FHIT: variants seen among roughly 807,000 people sequenced by gnomAD.
FHIT encodes the protein fragile histidine triad diadenosine triphosphatase.
A neutral mutation model predicts 17.9 loss-of-function variants in FHIT; 19 were observed. The ratio of observed to expected loss-of-function variants is 1.06; its 90% CI spans 0.74 to 1.56. The LOEUF (loss-of-function observed/expected upper bound fraction) is 1.56, where lower values mean the gene tolerates loss of function less well. FHIT is among the 40% of genes most tolerant of loss of function. The probability of loss-of-function intolerance (pLI) is 0.00; values close to 1 mark genes in which losing one functional copy is unlikely to be tolerated. For missense variants in FHIT, 248 were observed against 189.2 expected, an observed-to-expected ratio of 1.31 and a Z score of -1.82; for synonymous variants, 81 against 69.7, an observed-to-expected ratio of 1.16 and a Z score of -0.81.
At chr3:60,542,741 ATCAT>A (rs2036225604) in intron 4 of FHIT, among the ~76,000 whole-genome samples, 1 of 152,192 alleles carries the variant, frequency 6.6e-6, no homozygotes, top group Non-Finnish European at 1.5e-5. Flanking sequence ...TTGAACAGAA[ATCAT>A]TCATTTTGAT....
intron 5 of FHIT, among the ~76,000 whole-genome samples, chr3:60,082,211 G>A (rs1010759590): frequency 8.6e-5 from 13 of 150,790 alleles, no homozygotes; most frequent in African/African-American, 2.7e-4. Context: ...ACTTATAAGA[G>A]AGAACATGTA....
intron 5 of FHIT, among the ~76,000 whole-genome samples, chr3:60,476,523 T>C (rs1185560628): frequency 6.6e-6 from 1 of 152,136 alleles, no homozygotes; most frequent in African/African-American, 2.4e-5. Flanking sequence ...AATTTTCTTT[T>C]ATAGGGAGGG....
At chr3:60,555,902 G>A (rs1328436253) in intron 4 of FHIT, among the ~76,000 whole-genome samples, 1 of 152,138 alleles carries the variant, frequency 6.6e-6, no homozygotes, top group African/African-American at 2.4e-5. Context: ...TTTGCAGGGT[G>A]GCTATTATCC....
intron 5 of FHIT, among the ~76,000 whole-genome samples, chr3:60,124,758 C>G (rs948851156): frequency 6.6e-6 from 1 of 152,130 alleles, no homozygotes; most frequent in African/African-American, 2.4e-5. Context: ...TTATTGACAA[C>G]AAAAATACCC....
intron 2 of FHIT, among the ~76,000 whole-genome samples, chr3:61,188,110 AAAAAACCC>A (rs2038581289): frequency 2.0e-5 from 3 of 152,288 alleles, no homozygotes; most frequent in Non-Finnish European, 4.4e-5. Flanking sequence ...ATAGAGACAC[AAAAAACCC>A]TTCGAAAAAT....
chr3:61,214,341 T>C lies in FHIT; in HGVS notation c.-212-13676A>G, dbSNP rs369243399. On this transcript the variant is annotated intron_variant, in intron 1 of 9. Coordinates refer to ENST00000492590, the MANE Select transcript of FHIT (RefSeq NM_002012.4). ...AAAGGGGATATCACCACCAATCCCA[T>C]AGAAATACAAACTACCATCAGAGAA... is the stretch of plus-strand genomic sequence containing the variant. Among the ~76,000 whole-genome samples, 288 of 152,166 alleles carry C rather than the reference T, an allele frequency of 1.9e-3. 1 individual carries two copies. Among genetic ancestry groups the C allele is most frequent in the Admixed American group, 0.017 (255 of 15,260 alleles).
intron 5 of FHIT, among the ~76,000 whole-genome samples, chr3:60,072,774 A>G (rs1278427772): frequency 1.3e-5 from 2 of 152,228 alleles, no homozygotes; most frequent in South Asian, 2.1e-4. Flanking sequence ...TATTGACAGT[A>G]TCTATGAAGC....
At chr3:61,048,778 T>C (rs1575913607) in intron 2 of FHIT, among the ~76,000 whole-genome samples, 1 of 152,104 alleles carries the variant, frequency 6.6e-6, no homozygotes, top group Non-Finnish European at 1.5e-5. Context: ...ATATACACCA[T>C]GGAATACTAT....
At chr3:60,382,918 C>G (rs544790206) in intron 5 of FHIT, among the ~76,000 whole-genome samples, 1 of 152,198 alleles carries the variant, frequency 6.6e-6, no homozygotes, top group African/African-American at 2.4e-5. Context: ...TGCTTCAACA[C>G]CTTTACCTTC....
At chr3:60,924,578 C>G (rs554782459) in intron 3 of FHIT, among the ~76,000 whole-genome samples, 1 of 152,160 alleles carries the variant, frequency 6.6e-6, no homozygotes, top group South Asian at 2.1e-4. Flanking sequence ...CATCAAAGAC[C>G]AAAGGTAGAT....
intron 5 of FHIT, among the ~76,000 whole-genome samples, chr3:60,481,825 A>G (rs1469453071): frequency 3.3e-5 from 5 of 152,210 alleles, no homozygotes; most frequent in Admixed American, 2.0e-4. Flanking sequence ...ACACATAACA[A>G]TACGAACCTT....
intron 2 of FHIT, among the ~76,000 whole-genome samples, chr3:61,092,863 C>T (rs1442810039): frequency 6.6e-6 from 1 of 152,084 alleles, no homozygotes; most frequent in Non-Finnish European, 1.5e-5. Context: ...TAAATAATAA[C>T]GAAATACATG....
chr3:60,240,439 G>A (rs1705066505), intron 5 of FHIT, among the ~76,000 whole-genome samples: 1 of 152,128 alleles, frequency 6.6e-6, no homozygotes, highest in South Asian at 2.1e-4. Flanking sequence ...TACCGAGGAT[G>A]CAAAGCAGCT....
At chr3:60,703,813 C>T (rs2041303905) in intron 4 of FHIT, among the ~76,000 whole-genome samples, 1 of 152,030 alleles carries the variant, frequency 6.6e-6, no homozygotes, top group African/African-American at 2.4e-5. Flanking sequence ...GTAAAACTAT[C>T]TGGGCCTGGT....
At chr3:60,910,349 G>C (rs996865977) in intron 3 of FHIT, among the ~76,000 whole-genome samples, 1 of 152,002 alleles carries the variant, frequency 6.6e-6, no homozygotes, top group Admixed American at 6.6e-5. Context: ...TGTGAGGGGG[G>C]TGAGAGCAGA....
intron 7 of FHIT, among the ~76,000 whole-genome samples, chr3:59,995,335 T>C (rs909065693): frequency 3.9e-5 from 6 of 152,104 alleles, no homozygotes; most frequent in African/African-American, 1.2e-4. Context: ...ACTTAACCCT[T>C]GAATCCCAAC....
At position 60,817,809 on chromosome 3, in the gene FHIT, T is replaced by C. The variant is rs1448346605; in HGVS notation, c.-18+4110A>G. Among the ~76,000 whole-genome samples, 3 of 152,138 alleles carry C rather than the reference T, an allele frequency of 2.0e-5. No individual in the cohort carries two copies. The East Asian group carries it at 5.8e-4, about 29-fold the overall frequency. Reference sequence around the variant, plus strand: ...ACCAAATTTGAAAATTTGGGCCCATTATTTCTTCAAATATTTTGTTCTGTT... The same window carrying C: ...ACCAAATTTGAAAATTTGGGCCCATCATTTCTTCAAATATTTTGTTCTGTT... On this transcript the variant is annotated intron_variant, in intron 4 of 9. Transcript: ENST00000492590.
At chr3:60,285,976 G>A (rs972915221) in intron 5 of FHIT, among the ~76,000 whole-genome samples, 2 of 152,124 alleles carry the variant, frequency 1.3e-5, no homozygotes, top group African/African-American at 4.8e-5. Context: ...TTCTCTCACA[G>A]CATGGCTGTT....
At chr3:60,238,292 G>A (rs918599818) in intron 5 of FHIT, among the ~76,000 whole-genome samples, 7 of 151,534 alleles carry the variant, frequency 4.6e-5, no homozygotes, top group African/African-American at 1.5e-4. Context: ...AAGTATTAAT[G>A]TACAGTATAG....
Sources: gnomAD v4.1 joint callset for allele counts (sites outside exome capture counted in the v4.1 genomes callset) on GRCh38, gnomAD v4.1.1 for gene constraint, MANE v1.5 for transcripts, NCBI Gene and HGNC (gene_info 2026-07-23, HGNC 2026-07-21) for gene names.